The following SPOCK3 variants were observed in gnomAD, a reference collection of about 807,000 sequenced individuals.
The protein encoded by SPOCK3 is testican-3.
In SPOCK3, 30 loss-of-function variants were observed where a neutral mutation model predicts 56.6. The ratio of observed to expected loss-of-function variants is 0.53; its 90% confidence interval spans 0.40 to 0.72. The LOEUF (loss-of-function observed/expected upper bound fraction) is 0.72. Among genes scored for constraint, SPOCK3 ranks in the 30% least tolerant of loss-of-function variants. The pLI is 0.00. For missense variants in SPOCK3, 527 were observed against 530.0 expected (o/e 0.99, Z 0.06); for synonymous variants, 196 against 183.3 (o/e 1.07, Z -0.56).
intron 6 of SPOCK3, among the ~76,000 whole-genome samples, chr4:166,830,739 C>T (rs1029116542): frequency 5.3e-5 from 8 of 150,738 alleles, no homozygotes; most frequent in Non-Finnish European, 1.2e-4. Context: ...TCTCCCTCCC[C>T]GCCCCGCTCG....
chr4:167,212,203 AGTTTT>A (rs1020556851), intron 2 of SPOCK3, among the ~76,000 whole-genome samples: 3 of 151,698 alleles, frequency 2.0e-5, no homozygotes, highest in African/African-American at 7.2e-5. Context: ...TTTTCAGTAC[AGTTTT>A]GTTTTGTTTA....
At chr4:167,119,884 C>A in intron 2 of SPOCK3, 1 of 1,486,096 alleles carries the variant, frequency 6.7e-7, no homozygotes, top group Non-Finnish European at 8.9e-7. Flanking sequence ...ACTAATGCCC[C>A]AAAGGTTTCA....
chr4:167,146,592 G>T (rs757792215), intron 2 of SPOCK3, among the ~76,000 whole-genome samples: 1 of 151,874 alleles, frequency 6.6e-6, no homozygotes, highest in African/African-American at 2.4e-5. Context: ...GCGAAAGAAC[G>T]GAAATAATAA....
intron 3 of SPOCK3, among the ~76,000 whole-genome samples, chr4:167,031,908 G>C (rs941624134): frequency 6.6e-6 from 1 of 151,938 alleles, no homozygotes. Flanking sequence ...CACGTACAGG[G>C]GTAGCAATGT....
intron 4 of SPOCK3, among the ~76,000 whole-genome samples, chr4:166,985,240 T>C (rs1747020462): frequency 6.6e-6 from 1 of 152,058 alleles, no homozygotes; most frequent in African/African-American, 2.4e-5. Flanking sequence ...AAATTCAACA[T>C]TGGAATAAAA....
At chr4:167,229,892 A>G in intron 2 of SPOCK3, among the ~76,000 whole-genome samples, 1 of 152,118 alleles carries the variant, frequency 6.6e-6, no homozygotes, top group Admixed American at 6.5e-5. Context: ...GGTTTCTATA[A>G]CACTAGTGGT....
chr4:167,205,820 G>C (rs1406366699), intron 2 of SPOCK3, among the ~76,000 whole-genome samples: 1 of 146,128 alleles, frequency 6.8e-6, no homozygotes, highest in Non-Finnish European at 1.5e-5. Context: ...ATGTTGGCCA[G>C]CCTGGTCTTG....
chr4:167,071,484 T>C (rs1756678905), intron 2 of SPOCK3, among the ~76,000 whole-genome samples: 1 of 150,502 alleles, frequency 6.6e-6, no homozygotes, highest in Non-Finnish European at 1.5e-5. Flanking sequence ...AGTGAGAACA[T>C]GCGGTGCTTG....
At chr4:166,865,350 A>C (rs4566679) in intron 6 of SPOCK3, among the ~76,000 whole-genome samples, 113,114 of 152,094 alleles carry the variant, frequency 0.74, 42,114 homozygotes, top group East Asian at 0.81. Context: ...TAGCTGGAAG[A>C]ATTCCCTTTG....
rs369968634 is a variant in SPOCK3 at position 167,038,376 on chromosome 4, T to C, written c.235+24116A>G. Among the ~76,000 whole-genome samples, 123 of 152,308 alleles carry C rather than the reference T, an allele frequency of 8.1e-4. 1 individual carries two copies. The highest frequency in any genetic ancestry group is 2.7e-3 in the African/African-American group (113 of 41,582). On this transcript the variant is annotated intron_variant, in intron 3 of 10. Coordinates refer to ENST00000357545, the MANE Select transcript of SPOCK3 (RefSeq NM_001040159.2). ...GGCATACTTTCTTCATCTCTTAACA[T>C]AGCATTCCTACATTTTGTGTTCTTG...
At chr4:167,177,567 GC>G (rs1731096824) in intron 2 of SPOCK3, among the ~76,000 whole-genome samples, 4 of 152,064 alleles carry the variant, frequency 2.6e-5, no homozygotes, top group Non-Finnish European at 5.9e-5. Flanking sequence ...TTGGAAGAGA[GC>G]TCCAGAAGGC....
intron 4 of SPOCK3, among the ~76,000 whole-genome samples, chr4:166,997,227 G>T (rs1188378191): frequency 6.6e-6 from 1 of 151,982 alleles, no homozygotes; most frequent in Non-Finnish European, 1.5e-5. Context: ...ATACTTAGGC[G>T]ATAGGCTGAT....
rs967008217 is a variant in SPOCK3 at position 167,137,147 on chromosome 4, G to A, written c.190-74610C>T. Among the ~76,000 whole-genome samples the A allele has an allele frequency of 2.0e-5, 3 of 152,016 alleles. No individual in the cohort carries two copies. The South Asian group carries it at 6.2e-4, about 31-fold the overall frequency. ...ATTTCCCTTTCTCTTCCTTATGTGA[G>A]TGCTTCTCTAAAGCAAATATGGACT... On this transcript the variant is annotated intron_variant, in intron 2 of 10. Coordinates refer to ENST00000357545, the MANE Select transcript of SPOCK3 (RefSeq NM_001040159.2).
At chr4:167,230,142 ATTAAT>A (rs1236619854) in intron 2 of SPOCK3, among the ~76,000 whole-genome samples, 2 of 151,270 alleles carry the variant, frequency 1.3e-5, no homozygotes, top group Admixed American at 6.7e-5. Context: ...GTCATTCCTA[ATTAAT>A]TTATGTATTT....
intron 5 of SPOCK3, among the ~76,000 whole-genome samples, chr4:166,909,387 T>C (rs1292560818): frequency 6.6e-6 from 1 of 152,130 alleles, no homozygotes; most frequent in African/African-American, 2.4e-5. Flanking sequence ...CCCCAGCTCC[T>C]GCACCTGACC....
intron 2 of SPOCK3, among the ~76,000 whole-genome samples, chr4:167,129,120 G>GC (rs1010438823): frequency 6.6e-6 from 1 of 152,134 alleles, no homozygotes; most frequent in African/African-American, 2.4e-5. Context: ...TCAACGTACT[G>GC]CCTTTGAGAC....
chr4:166,744,053 C>G (rs1190283869), intron 8 of SPOCK3, among the ~76,000 whole-genome samples: 1 of 152,206 alleles, frequency 6.6e-6, no homozygotes, highest in African/African-American at 2.4e-5. Context: ...CAAAAGGCAA[C>G]AGAAACTTCT....
chr4:167,094,620 C>T (rs1758988909), intron 2 of SPOCK3, among the ~76,000 whole-genome samples: 1 of 151,926 alleles, frequency 6.6e-6, no homozygotes. Context: ...GAATAGAAGT[C>T]AACATTTTAA....
At chr4:166,911,695 G>C (rs562573357) in intron 5 of SPOCK3, among the ~76,000 whole-genome samples, 71 of 151,938 alleles carry the variant, frequency 4.7e-4, no homozygotes, top group Non-Finnish European at 7.5e-4. Flanking sequence ...CCAACACCAT[G>C]CCTGATGCAT....
Sources: allele counts gnomAD v4.1 joint callset (sites outside exome capture counted in the v4.1 genomes callset), GRCh38; gene constraint gnomAD v4.1.1; transcripts MANE v1.5; gene names NCBI Gene and HGNC (gene_info 2026-07-23, HGNC 2026-07-21).